The following ADAM17 variants were observed in gnomAD, a reference collection of about 807,000 sequenced individuals.
ADAM17 encodes ADAM metallopeptidase domain 17.
A neutral mutation model predicts 96.7 loss-of-function variants in ADAM17; 39 were observed. The observed-to-expected ratio is 0.40, with a 90% CI of 0.31 to 0.53. The LOEUF is 0.53. ADAM17 is among the 20% of genes least tolerant of loss of function. The pLI is 0.44. For missense variants in ADAM17, 777 were observed against 1,013.2 expected (o/e 0.77, Z 3.17); for synonymous variants, 344 against 359.2 (o/e 0.96, Z 0.48).
intron 8 of ADAM17, among the ~76,000 whole-genome samples, chr2:9,520,986 AGG>A (rs147175107): frequency 0.054 from 6,742 of 123,880 alleles, 595 homozygotes; most frequent in Non-Finnish European, 0.075. Context: ...AAAAAAAAAA[AGG>A]AAGCATTGCT....
chr2:9,528,106 T>C, intron 4 of ADAM17, 152 bp from the exon 5 acceptor site: 1 of 501,924 alleles, frequency 2.0e-6, no homozygotes, highest in South Asian at 5.2e-5. Flanking sequence ...TAATCTCAAT[T>C]TTTAATCATA....
At position 9,543,282 on chromosome 2, in the gene ADAM17, T is replaced by C; in HGVS notation, c.101A>G (p.Lys34Arg). 1 of 1,585,504 alleles carries C rather than the reference T, an allele frequency of 6.3e-7. No individual in the cohort carries two copies. The highest frequency in any genetic ancestry group is 1.2e-5 in the South Asian group (1 of 85,966). ...PGFGPHQRLE[K>R]LDSLLSDYDI... ...GTAGTCTGAGAGCAAAGAATCAAGC[T>C]TCTCTGAAATAAAGGTAAAAAAGGT... The change falls in exon 2 of 19, where the codon AAG (lysine) becomes AGG (arginine). Residue 34 changes from lysine (K) to arginine (R), a missense_variant. Lys to Arg is a conservative substitution (Grantham distance 26). Transcript: ENST00000310823.
At chr2:9,495,711 C>A (rs865840724) in intron 14 of ADAM17, among the ~76,000 whole-genome samples, 19 of 140,418 alleles carry the variant, frequency 1.4e-4, no homozygotes, top group Admixed American at 1.4e-4. Flanking sequence ...GACTCCATCT[C>A]AAAAAAAAAA....
At chr2:9,506,716 G>A (rs1239866905) in intron 11 of ADAM17, 2 of 152,098 alleles carry the variant, frequency 1.3e-5, no homozygotes, top group Admixed American at 6.6e-5. Context: ...TTCTAATCGG[G>A]GCCTCAGGCA....
intron 13 of ADAM17, among the ~76,000 whole-genome samples, chr2:9,499,755 T>G (rs1191851039): frequency 6.6e-6 from 1 of 152,046 alleles, no homozygotes; most frequent in Non-Finnish European, 1.5e-5. Context: ...TCCCAAAAGA[T>G]AAAAACATGG....
At chr2:9,530,097 T>C (rs192323841) in intron 4 of ADAM17, among the ~76,000 whole-genome samples, 11 of 152,322 alleles carry the variant, frequency 7.2e-5, no homozygotes, top group Middle Eastern at 3.4e-3. Flanking sequence ...TGGTAATCCA[T>C]GTATGAGGCA....
intron 10 of ADAM17, among the ~76,000 whole-genome samples, chr2:9,513,003 T>TTC (rs1663824778): frequency 6.8e-6 from 1 of 146,560 alleles, no homozygotes; most frequent in Admixed American, 6.7e-5. Flanking sequence ...GTATCCTTTC[T>TTC]TTTTTTTTTA....
At position 9,494,732 on chromosome 2, in the gene ADAM17, G is replaced by C. The variant is rs988994141; in HGVS notation, c.1819C>G (p.Leu607Val). 7.4e-6 allele frequency: 12 copies of C among 1,613,962 alleles called. No individual in the cohort carries two copies. The highest frequency in any genetic ancestry group is 1.0e-5 in the Non-Finnish European group (12 of 1,180,004). ...DNSCKVCCRD[L>V]SGRCVPYVDA... The stretch of plus-strand genomic sequence containing the variant: ...ACATAGGGCACACAGCGGCCAGAAA[G>C]GTCCCTGCAGCACACCTTGCAGGAG... Residue 607 changes from leucine (L) to valine (V), a missense_variant, in exon 15 of 19, where the codon CTT becomes GTT. Physicochemically the swap from Leu to Val is conservative, Grantham distance 32. This residue lies in a region of ADAM17 where 446 missense variants were observed against 664.7 expected (regional missense o/e 0.67). Transcript: ENST00000310823.
Sources: allele counts gnomAD v4.1 joint callset (sites outside exome capture counted in the v4.1 genomes callset), GRCh38; gene constraint gnomAD v4.1.1; regional missense constraint gnomAD v4.1.1; transcripts MANE v1.5; gene names NCBI Gene and HGNC (gene_info 2026-07-23, HGNC 2026-07-21).